SDHAF2: variants seen among roughly 807,000 people sequenced by gnomAD.
SDHAF2 encodes the protein succinate dehydrogenase complex assembly factor 2, also known as succinate dehydrogenase assembly factor 2, mitochondrial.
In SDHAF2, 21 loss-of-function variants were observed where a neutral mutation model predicts 18.5. The observed-to-expected ratio is 1.13, with a 90% CI of 0.80 to 1.63. The LOEUF (loss-of-function observed/expected upper bound fraction) is 1.63, where lower values mean the gene tolerates loss of function less well. SDHAF2 is among the 40% of genes most tolerant of loss of function. The pLI is 0.00. For synonymous variants in SDHAF2, 84 were observed against 70.7 expected (o/e 1.19, Z -0.94); for missense variants, 195 against 200.3 (o/e 0.97, Z 0.16).
intron 3 of SDHAF2, among the ~76,000 whole-genome samples, chr11:61,439,305 A>G (rs930598048): frequency 6.6e-6 from 1 of 152,186 alleles, no homozygotes; most frequent in Admixed American, 6.5e-5. Context: ...TTCTTGATCC[A>G]GGACAGCCAT....
chr11:61,442,322 G>A (rs973066182), intron 3 of SDHAF2, among the ~76,000 whole-genome samples: 1 of 152,148 alleles, frequency 6.6e-6, no homozygotes, highest in South Asian at 2.1e-4. Flanking sequence ...CAGGAGTTCC[G>A]CTGGGTTTGG....
intron 1 of SDHAF2, 135 bp downstream of exon 1, chr11:61,430,317 C>A: frequency 1.9e-6 from 2 of 1,061,446 alleles, no homozygotes; most frequent in East Asian, 2.4e-5. Flanking sequence ...AGGGAGAGGC[C>A]GATCCTGCAA....
intron 1 of SDHAF2, 54 bp from the exon 2 acceptor site, chr11:61,437,571 A>G: frequency 4.9e-6 from 7 of 1,420,098 alleles, no homozygotes; most frequent in Non-Finnish European, 7.0e-6. Flanking sequence ...TGAGTAAATG[A>G]TAGCGATGAT....
intron 3 of SDHAF2, among the ~76,000 whole-genome samples, chr11:61,445,289 C>T (rs1216724552): frequency 2.0e-5 from 3 of 152,186 alleles, no homozygotes; most frequent in Non-Finnish European, 2.9e-5. Context: ...AGACCCACTG[C>T]CGTAGACTGA....
intron 1 of SDHAF2, chr11:61,436,871 A>G (rs1293602958): frequency 1.5e-5 from 19 of 1,288,436 alleles, no homozygotes; most frequent in Admixed American, 2.3e-5. Flanking sequence ...CCTTGACATC[A>G]TATCTTGATA....
At chr11:61,435,073 G>A (rs1180056666) in intron 1 of SDHAF2, 1 of 151,966 alleles carries the variant, frequency 6.6e-6, no homozygotes, top group African/African-American at 2.4e-5. Flanking sequence ...TAGAGACGGG[G>A]TCTCACTGTG....
In SDHAF2 at chr11:61,430,194, G is replaced by A. The variant is rs780011085; in HGVS notation, c.36+12G>A. ...CGACTTCGTCGCTGGTGAGGAGAGA[G>A]AACGTTCTAGCGTCCGGGGCGGGCG... On this transcript the variant is annotated intron_variant, in intron 1 of 3. Coordinates refer to ENST00000301761, the MANE Select transcript of SDHAF2 (RefSeq NM_017841.4). The A allele has an allele frequency of 3.1e-6, 5 of 1,614,220 alleles. No individual in the cohort carries two copies. In the East Asian group the frequency reaches 6.7e-5, roughly 22 times the overall value.
intron 1 of SDHAF2, among the ~76,000 whole-genome samples, chr11:61,437,126 G>A (rs1309861446): frequency 1.3e-5 from 2 of 152,148 alleles, no homozygotes; most frequent in Non-Finnish European, 2.9e-5. Flanking sequence ...GATGATTTTG[G>A]GTGAGTTATT....
intron 3 of SDHAF2, among the ~76,000 whole-genome samples, chr11:61,439,102 A>G (rs904929766): frequency 1.3e-5 from 2 of 152,292 alleles, no homozygotes; most frequent in East Asian, 3.9e-4. Flanking sequence ...CTAACTGTGT[A>G]TAGTTAGGAT....
intron 3 of SDHAF2, among the ~76,000 whole-genome samples, chr11:61,442,240 G>T (rs1450402933): frequency 6.6e-6 from 1 of 152,104 alleles, no homozygotes; most frequent in African/African-American, 2.4e-5. Context: ...GAATTCGAGG[G>T]TCACAATGTT....
Position 61,446,034 on chromosome 11 carries a change from C to T in SDHAF2, c.464C>T (p.Ala155Val), listed in dbSNP as rs1245083102. ...AAAAACAAAGAGCAGAGACTGCGTGCCCCAGATCTTGAGTACCTCTTTGAA... is the reference window on the plus strand; with the variant it reads ...AAAAACAAAGAGCAGAGACTGCGTGTCCCAGATCTTGAGTACCTCTTTGAA... ...KNKNKEQRLR[A>V]PDLEYLFEKP... Residue 155 changes from alanine (A) to valine (V), a missense_variant, in exon 4 of 4, where the codon GCC (alanine) becomes GTC (valine). Coordinates refer to ENST00000301761, the MANE Select transcript of SDHAF2 (RefSeq NM_017841.4). 5 of 1,614,134 alleles carry T rather than the reference C, an allele frequency of 3.1e-6. No homozygotes were observed. Among genetic ancestry groups the T allele is most frequent in the South Asian group, 1.1e-5 (1 of 91,080 alleles).
At position 61,430,175 on chromosome 11, in the gene SDHAF2, C is replaced by T. The variant is rs1590759653; in HGVS notation, c.29C>T (p.Ser10Leu). 2 of 1,614,160 alleles carry T rather than the reference C, an allele frequency of 1.2e-6. No homozygotes were observed. Among genetic ancestry groups the T allele is most frequent in the African/African-American group, 1.3e-5 (1 of 75,062 alleles). MAVSTVFST[S>L]SLMLALSRHS... ...GCGGTGTCTACAGTGTTCTCGACTTCGTCGCTGGTGAGGAGAGAGAACGTT... is the reference window on the plus strand; with the variant it reads ...GCGGTGTCTACAGTGTTCTCGACTTTGTCGCTGGTGAGGAGAGAGAACGTT... Residue 10 changes from serine to leucine, a missense_variant, in exon 1 of 4, where the codon TCG (serine) becomes TTG (leucine). Ser to Leu is a moderately radical substitution (Grantham distance 145). Coordinates refer to ENST00000301761, the MANE Select transcript of SDHAF2 (RefSeq NM_017841.4).
chr11:61,441,859 T>G (rs1165863472), intron 3 of SDHAF2, among the ~76,000 whole-genome samples: 1 of 150,030 alleles, frequency 6.7e-6, no homozygotes, highest in Non-Finnish European at 1.5e-5. Context: ...GACATGTCTC[T>G]TCAAATTCCG....
At chr11:61,441,282 C>T (rs562542434) in intron 3 of SDHAF2, among the ~76,000 whole-genome samples, 1 of 152,200 alleles carries the variant, frequency 6.6e-6, no homozygotes, top group East Asian at 1.9e-4. Flanking sequence ...CCTGTAATCC[C>T]AGCACTTTGG....
At chr11:61,438,743 C>A (rs2134893867) in intron 3 of SDHAF2, among the ~76,000 whole-genome samples, 1 of 152,258 alleles carries the variant, frequency 6.6e-6, no homozygotes, top group Non-Finnish European at 1.5e-5. Flanking sequence ...ATAGCCAAAG[C>A]TCCTCAATAG....
intron 3 of SDHAF2, among the ~76,000 whole-genome samples, chr11:61,442,149 T>A (rs1056030167): frequency 6.6e-6 from 1 of 152,190 alleles, no homozygotes; most frequent in African/African-American, 2.4e-5. Flanking sequence ...TGCCTCGGCC[T>A]CCCAAAGTGC....
chr11:61,437,671 T>G lies in SDHAF2; in HGVS notation c.83T>G (p.Val28Gly), dbSNP rs1590764751. The G allele has an allele frequency of 6.2e-7, 1 of 1,614,230 alleles. No homozygotes were observed. The highest frequency in any genetic ancestry group is 8.5e-7 in the Non-Finnish European group (1 of 1,180,040). The change falls in exon 2 of 4, where the codon GTG (valine) becomes GGG (glycine). Residue 28 changes from valine (V) to glycine (G), a missense_variant. Transcript: ENST00000301761. The stretch of plus-strand genomic sequence containing the variant: ...AGCCTATTGTCTCCTTTGCTCAGTG[T>G]GACATCATTCAGACGCTTCTACAGA... ...RHSLLSPLLSVTSFRRFYRGD... is the reference protein window; with the variant it reads ...RHSLLSPLLSGTSFRRFYRGD...
intron 3 of SDHAF2, among the ~76,000 whole-genome samples, chr11:61,438,718 G>A (rs539409199): frequency 6.6e-6 from 1 of 152,318 alleles, no homozygotes; most frequent in African/African-American, 2.4e-5. Context: ...AGTGGAATCA[G>A]ACAACTAAGT....
intron 1 of SDHAF2, among the ~76,000 whole-genome samples, chr11:61,437,275 C>G (rs1170238536): frequency 6.6e-6 from 1 of 152,118 alleles, no homozygotes; most frequent in Non-Finnish European, 1.5e-5. Flanking sequence ...GCAGCGTTGA[C>G]CTTCCCAGGC....
Sources: gnomAD v4.1 joint callset for allele counts (sites outside exome capture counted in the v4.1 genomes callset) on GRCh38, gnomAD v4.1.1 for gene constraint, MANE v1.5 for transcripts, NCBI Gene and HGNC (gene_info 2026-07-23, HGNC 2026-07-21) for gene names.